CAST: variants seen among roughly 807,000 people sequenced by gnomAD.
CAST encodes the protein calpastatin, also known as MIR583 host.
A neutral mutation model predicts 119.6 loss-of-function variants in CAST; 76 were observed. That is an observed-to-expected ratio of 0.64 (90% CI 0.53 to 0.77). The LOEUF is 0.77. Among genes scored for constraint, CAST ranks in the 30% least tolerant of loss-of-function variants. The pLI is 0.00. For synonymous variants in CAST, 319 were observed against 331.6 expected, an observed-to-expected ratio of 0.96 and a Z score of 0.41; for missense variants, 953 against 946.5, an observed-to-expected ratio of 1.01 and a Z score of -0.09.
chr5:96,073,082 G>A, the CAST span, among the ~76,000 whole-genome samples: 50 of 152,174 alleles, frequency 3.3e-4, no homozygotes, highest in Non-Finnish European at 5.9e-4. Flanking sequence ...CTTACCAAAA[G>A]TTTTTCATTT....
At chr5:96,413,420 C>T in the CAST span, among the ~76,000 whole-genome samples, 1 of 152,188 alleles carries the variant, frequency 6.6e-6, no homozygotes, top group Non-Finnish European at 1.5e-5. Context: ...TAGATTTTCA[C>T]ACTTATTTAC....
upstream of CAST, among the ~76,000 whole-genome samples, chr5:96,529,580 TTTA>T (rs1373632441): frequency 2.0e-5 from 3 of 152,160 alleles, no homozygotes; most frequent in Non-Finnish European, 4.4e-5. Flanking sequence ...GATTTCAGCA[TTTA>T]TTTATTTTGA....
chr5:96,221,242 A>C, the CAST span, among the ~76,000 whole-genome samples: 2 of 152,124 alleles, frequency 1.3e-5, no homozygotes, highest in Non-Finnish European at 2.9e-5. Context: ...CTCCTATTCA[A>C]CATAATACTG....
the CAST span, chr5:96,412,995 C>T: frequency 1.0e-6 from 1 of 993,152 alleles, no homozygotes; most frequent in East Asian, 1.1e-4. Flanking sequence ...ATGGCTGTGG[C>T]CCAGTCTACG....
chr5:96,633,120 C>T (rs1177743457), intron 1 of CAST, among the ~76,000 whole-genome samples: 10 of 151,946 alleles, frequency 6.6e-5, no homozygotes, highest in African/African-American at 1.2e-4. Flanking sequence ...TACAGGTGCC[C>T]GCCACCATGC....
At chr5:96,126,768 A>T in the CAST span, among the ~76,000 whole-genome samples, 1 of 152,126 alleles carries the variant, frequency 6.6e-6, no homozygotes, top group Non-Finnish European at 1.5e-5. Context: ...ATCTTTTTTA[A>T]TCTCTATAAT....
At chr5:96,539,414 G>GT (rs1370941371) in intron 1 of CAST, among the ~76,000 whole-genome samples, 2 of 152,018 alleles carry the variant, frequency 1.3e-5, no homozygotes, top group Non-Finnish European at 1.5e-5. Flanking sequence ...AAATAATTTT[G>GT]TTTTTTGTGA....
chr5:96,592,801 G>T (rs1449100055), intron 1 of CAST, among the ~76,000 whole-genome samples: 1 of 148,602 alleles, frequency 6.7e-6, no homozygotes, highest in East Asian at 2.0e-4. Flanking sequence ...GTCTTGCTCT[G>T]TCGCCCAGGC....
the CAST span, among the ~76,000 whole-genome samples, chr5:96,141,996 G>A: frequency 6.6e-6 from 1 of 152,188 alleles, no homozygotes; most frequent in Admixed American, 6.5e-5. Flanking sequence ...GTGGTTACAA[G>A]TTCATTCCAT....
chr5:96,251,481 A>T, the CAST span, among the ~76,000 whole-genome samples: 1 of 152,152 alleles, frequency 6.6e-6, no homozygotes, highest in African/African-American at 2.4e-5. Context: ...CACTGGAAGG[A>T]TGAGATTCCT....
chr5:96,701,913 A>G (rs1335197527), intron 3 of CAST, among the ~76,000 whole-genome samples: 1 of 151,992 alleles, frequency 6.6e-6, no homozygotes, highest in Non-Finnish European at 1.5e-5. Context: ...AATAAAAGAC[A>G]AAAAAAATAA....
the CAST span, among the ~76,000 whole-genome samples, chr5:96,027,340 A>T: frequency 6.6e-6 from 1 of 152,174 alleles, no homozygotes; most frequent in African/African-American, 2.4e-5. Flanking sequence ...TTTCAAAAAT[A>T]AAAATAAAGA....
At chr5:96,115,519 A>G in the CAST span, among the ~76,000 whole-genome samples, 3 of 152,200 alleles carry the variant, frequency 2.0e-5, no homozygotes, top group Non-Finnish European at 4.4e-5. Context: ...CAGATAAGTA[A>G]CTTGTCCAAG....
At chr5:96,529,971 A>C (rs1580811837) in intron 1 of CAST, 1 of 273,080 alleles carries the variant, frequency 3.7e-6, no homozygotes, top group Non-Finnish European at 7.4e-6. Context: ...CAGCCATTCT[A>C]TATATATTTG....
At chr5:96,620,285 TTTC>T (rs1561432755) in intron 1 of CAST, among the ~76,000 whole-genome samples, 1 of 143,740 alleles carries the variant, frequency 7.0e-6, no homozygotes, top group African/African-American at 2.7e-5. Flanking sequence ...GCCAGTTCTT[TTTC>T]TTTTTTTTTT....
chr5:96,282,579 G>A, the CAST span, among the ~76,000 whole-genome samples: 1 of 150,816 alleles, frequency 6.6e-6, no homozygotes, highest in Non-Finnish European at 1.5e-5. Context: ...GCACTAGGAA[G>A]GGTTTTTATT....
At chr5:96,673,387 C>CA (rs2150243324) in intron 1 of CAST, among the ~76,000 whole-genome samples, 1 of 152,308 alleles carries the variant, frequency 6.6e-6, no homozygotes, top group East Asian at 1.9e-4. Flanking sequence ...GAGCTCAGTA[C>CA]ACTCCAGCAG....
upstream of CAST, among the ~76,000 whole-genome samples, chr5:96,524,549 T>C (rs1745569296): frequency 1.3e-5 from 2 of 152,186 alleles, no homozygotes; most frequent in East Asian, 3.9e-4. Context: ...GGGACGGCCA[T>C]GTGTTATGGC....
At chr5:95,961,662 T>C in the CAST span, 2 of 1,608,818 alleles carry the variant, frequency 1.2e-6, no homozygotes, top group African/African-American at 1.4e-5. Context: ...GCCCCAGCCG[T>C]CCGCACGACA....
Sources: gnomAD v4.1 joint callset for allele counts (sites outside exome capture counted in the v4.1 genomes callset) on GRCh38, gnomAD v4.1.1 for gene constraint, MANE v1.5 for transcripts, NCBI Gene and HGNC (gene_info 2026-07-23, HGNC 2026-07-21) for gene names.